FANCD2: variants seen among roughly 807,000 people sequenced by gnomAD.
The protein encoded by FANCD2 is FA complementation group D2.
A neutral mutation model predicts 192.3 loss-of-function variants in FANCD2; 131 were observed. That is an observed-to-expected ratio of 0.68 (90% CI 0.59 to 0.79). The LOEUF is 0.79. FANCD2 is among the 30% of genes least tolerant of loss of function. The probability of loss-of-function intolerance (pLI) is 0.00; values close to 1 mark genes in which losing one functional copy is unlikely to be tolerated. For synonymous variants in FANCD2, 524 were observed against 612.5 expected (o/e 0.86, Z 2.13); for missense variants, 1,508 against 1,701.6 (o/e 0.89, Z 2.00).
chr3:10,093,470 A>G (rs533849098), intron 39 of FANCD2, 147 bp downstream of exon 39: 1 of 760,296 alleles, frequency 1.3e-6, no homozygotes, highest in East Asian at 2.6e-5. Flanking sequence ...CAATGGATGC[A>G]TTTTCCCACC....
chr3:10,071,139 G>GAAA (rs1210612879), intron 26 of FANCD2, among the ~76,000 whole-genome samples: 1 of 115,478 alleles, frequency 8.7e-6, no homozygotes. Flanking sequence ...AAAAAAAAAA[G>GAAA]AAAAAAAGAA....
intron 2 of FANCD2, among the ~76,000 whole-genome samples, chr3:10,031,382 A>G (rs2086594918): frequency 6.6e-6 from 1 of 152,054 alleles, no homozygotes; most frequent in Non-Finnish European, 1.5e-5. Context: ...GTGCACCTGT[A>G]GTCCCAGCTA....
At chr3:10,050,298 G>A (rs1377224962) in intron 17 of FANCD2, among the ~76,000 whole-genome samples, 1 of 152,110 alleles carries the variant, frequency 6.6e-6, no homozygotes, top group Non-Finnish European at 1.5e-5. Flanking sequence ...AGACAATTTG[G>A]TGTTAGAATT....
intron 18 of FANCD2, among the ~76,000 whole-genome samples, chr3:10,058,667 CT>C (rs776582980): frequency 1.5e-4 from 23 of 152,178 alleles, no homozygotes; most frequent in Non-Finnish European, 2.9e-4. Flanking sequence ...TATATGAAGG[CT>C]TATCTTTGAA....
rs1402225278 is a variant in FANCD2, at chr3:10,039,283, A to G, written c.496A>G (p.Asn166Asp). The change falls in exon 8 of 44, where the codon AAC becomes GAC. Residue 166 changes from asparagine (N) to aspartate (D), a missense_variant. Asn to Asp is a conservative substitution (Grantham distance 23). This residue lies in a region of FANCD2 where 435 missense variants were observed against 421.9 expected (regional missense o/e 1.03). Transcript: ENST00000675286. ...KLPEYFFENKNSDEINIPRLI... is the reference protein window; with the variant it reads ...KLPEYFFENKDSDEINIPRLI... ...TTTCTCTTCCTAACATTTTAGCAAGAACAGTGATGAAATCAACATACCTCG... is the reference window on the plus strand; with the variant it reads ...TTTCTCTTCCTAACATTTTAGCAAGGACAGTGATGAAATCAACATACCTCG... The G allele has an allele frequency of 6.2e-7, 1 of 1,612,936 alleles. No homozygotes were observed. Among genetic ancestry groups the G allele is most frequent in the East Asian group, 2.2e-5 (1 of 44,870 alleles).
rs551930456 is a variant in FANCD2, at chr3:10,061,200, C to G, written c.1766+797C>G. Among the ~76,000 whole-genome samples the G allele has an allele frequency of 7.2e-5, 11 of 152,336 alleles. No homozygotes were observed. The East Asian group carries it at 2.1e-3, about 29-fold the overall frequency. On this transcript the variant is annotated intron_variant, in intron 19 of 43. Coordinates refer to ENST00000675286, the MANE Select transcript of FANCD2 (RefSeq NM_001018115.3). Reference sequence around the variant, plus strand: ...TAAATACTACTCTAGAAATCCCCAGCAAGCCGTTGTTTCCTTGCAGTCAGC... The same window carrying G: ...TAAATACTACTCTAGAAATCCCCAGGAAGCCGTTGTTTCCTTGCAGTCAGC...
intron 41 of FANCD2, 62 bp downstream of exon 41, chr3:10,095,336 G>A: frequency 7.5e-7 from 1 of 1,332,562 alleles, no homozygotes; most frequent in South Asian, 1.2e-5. Context: ...AGTTGCTATT[G>A]GGGGATCCAT....
At chr3:10,068,030 A>C (rs1179100266) in intron 26 of FANCD2, among the ~76,000 whole-genome samples, 1 of 152,180 alleles carries the variant, frequency 6.6e-6, no homozygotes, top group Non-Finnish European at 1.5e-5. Context: ...CTACTATTAA[A>C]CTGAACAGAA....
At chr3:10,068,543 A>C (rs190626337) in intron 26 of FANCD2, among the ~76,000 whole-genome samples, 211 of 152,230 alleles carry the variant, frequency 1.4e-3, no homozygotes, top group African/African-American at 4.9e-3. Flanking sequence ...CGGAAGAATT[A>C]ATATTGTTAA....
intron 30 of FANCD2, among the ~76,000 whole-genome samples, chr3:10,080,466 T>G (rs1693774199): frequency 6.6e-6 from 1 of 152,224 alleles, no homozygotes; most frequent in African/African-American, 2.4e-5. Context: ...TTTTGTTTGT[T>G]TGTTTTTCAA....
intron 29 of FANCD2, among the ~76,000 whole-genome samples, chr3:10,075,848 A>T (rs1693509031): frequency 6.8e-6 from 1 of 145,988 alleles, no homozygotes; most frequent in African/African-American, 2.6e-5. Flanking sequence ...ATCCTGCCTC[A>T]GCCTCCCAAG....
At chr3:10,098,682 A>G (rs376698548) in intron 42 of FANCD2, 38 bp from the exon 43 acceptor site, 1 of 1,611,766 alleles carries the variant, frequency 6.2e-7, no homozygotes, top group Non-Finnish European at 8.5e-7. Flanking sequence ...AAATGTGATC[A>G]TTATAACCCA....
rs867535949 is a variant in FANCD2, at chr3:10,034,719, C to T, written c.298C>T (p.Leu100=). Residue 100 remains leucine (L), a synonymous_variant, in exon 5 of 44, where the codon CTG becomes TTG. Transcript: ENST00000675286. ...GATAATAGAAGAATTTGTTAGTGGC[C>T]TGGAGTCTTACATTGAGGATGAAGA... The part of the protein sequence containing the change: ...PKIIEEFVSG[L]ESYIEDEDSF... 14 of 1,569,810 alleles carry T rather than the reference C, an allele frequency of 8.9e-6. No homozygotes were observed. Among genetic ancestry groups the T allele is most frequent in the African/African-American group, 6.8e-5 (5 of 73,852 alleles).
At chr3:10,094,426 G>A (rs1694831940) in intron 40 of FANCD2, 63 bp downstream of exon 40, 2 of 1,385,186 alleles carry the variant, frequency 1.4e-6, no homozygotes, top group Non-Finnish European at 2.1e-6. Flanking sequence ...ATATGTCCTT[G>A]GTGACTCCTG....
At chr3:10,070,261 CCCGGCAGCCACCCTGTCTGGGAA>C (rs1368858476) in intron 26 of FANCD2, among the ~76,000 whole-genome samples, 1 of 150,696 alleles carries the variant, frequency 6.6e-6, no homozygotes, top group Non-Finnish European at 1.5e-5. Context: ...AGTCCCTCCG[CCCGGCAGCCACCCTGTCTGGGAA>C]GTGAGGAGCG....
chr3:10,041,329 T>G, intron 9 of FANCD2: 2 of 329,066 alleles, frequency 6.1e-6, no homozygotes, highest in Non-Finnish European at 1.1e-5. Flanking sequence ...GGTTTTCTTT[T>G]TCCTTTTTGC....
At chr3:10,060,190 T>A in intron 18 of FANCD2, 104 bp from the exon 19 acceptor site, 10 of 750,214 alleles carry the variant, frequency 1.3e-5, no homozygotes, top group South Asian at 6.4e-5. Flanking sequence ...AAACAGTTAG[T>A]AAACGGTAAA....
At chr3:10,062,245 G>GTT in intron 20 of FANCD2, 34 bp downstream of exon 20, 2 of 1,551,022 alleles carry the variant, frequency 1.3e-6, no homozygotes, top group Non-Finnish European at 1.8e-6. Context: ...TCTTTTTCCT[G>GTT]TCTTTTTTTT....
Position 10,090,443 on chromosome 3 carries a change from ATTTTTTTTTTTTT to A in FANCD2, c.3777+74_3777+86del, listed in dbSNP as rs773716319. 58 of 342,312 alleles carry A rather than the reference ATTTTTTTTTTTTT, an allele frequency of 1.7e-4. No homozygotes were observed. The Middle Eastern group carries it at 3.5e-3, about 20-fold the overall frequency. The allele number at this position is 342,312 out of a possible 1,614,324, so 21.2% of individuals were successfully genotyped here. ...ACTTTGGATTACTTGGAAGTTGCTG[ATTTTTTTTTTTTT>A]TTTTTTTTTTTTTTTCTGAGACAGA... is the stretch of plus-strand genomic sequence containing the variant. On this transcript the variant is annotated intron_variant, in intron 37 of 43. Transcript: ENST00000675286.
Sources: gnomAD v4.1 joint callset for allele counts (sites outside exome capture counted in the v4.1 genomes callset) on GRCh38, gnomAD v4.1.1 for gene constraint, gnomAD v4.1.1 regional missense constraint, MANE v1.5 for transcripts, NCBI Gene and HGNC (gene_info 2026-07-23, HGNC 2026-07-21) for gene names.